Variants in MAML2 observed in about 807,000 individuals in gnomAD.
The protein encoded by MAML2 is mastermind-like protein 2.
In MAML2, 22 loss-of-function variants were observed where a neutral mutation model predicts 96.1. The ratio of observed to expected loss-of-function variants is 0.23; its 90% CI spans 0.16 to 0.33. The LOEUF (loss-of-function observed/expected upper bound fraction) is 0.33. Among genes scored for constraint, MAML2 ranks in the 10% least tolerant of loss-of-function variants. The probability of loss-of-function intolerance (pLI) is 1.00; values close to 1 mark genes in which losing one functional copy is unlikely to be tolerated. For missense variants in MAML2, 1,367 were observed against 1,392.4 expected (o/e 0.98, Z 0.29); for synonymous variants, 561 against 521.3 (o/e 1.08, Z -1.04).
At chr11:96,328,020 C>T (rs572467062) in intron 1 of MAML2, among the ~76,000 whole-genome samples, 7 of 152,076 alleles carry the variant, frequency 4.6e-5, no homozygotes, top group South Asian at 2.1e-4. Context: ...CACTTCAACC[C>T]GGGGGGTGGA....
intron 2 of MAML2, among the ~76,000 whole-genome samples, chr11:96,049,827 A>T (rs1858962707): frequency 6.6e-6 from 1 of 152,200 alleles, no homozygotes; most frequent in South Asian, 2.1e-4. Context: ...CTAACACCTC[A>T]TTAATGTGGA....
chr11:96,011,047 G>A (rs1011422491), intron 2 of MAML2, among the ~76,000 whole-genome samples: 1 of 152,154 alleles, frequency 6.6e-6, no homozygotes, highest in South Asian at 2.1e-4. Context: ...AGTCAGAATG[G>A]CTCTTATTAA....
intron 1 of MAML2, among the ~76,000 whole-genome samples, chr11:96,295,035 G>T (rs1352916999): frequency 6.6e-6 from 1 of 152,180 alleles, no homozygotes; most frequent in Admixed American, 6.5e-5. Context: ...GGCATATTTA[G>T]GAATTTCTCC....
At chr11:96,257,333 T>A (rs1356209041) in intron 1 of MAML2, among the ~76,000 whole-genome samples, 5 of 152,216 alleles carry the variant, frequency 3.3e-5, no homozygotes. Context: ...TTCTTTCTCC[T>A]CCATTGGACT....
intron 1 of MAML2, among the ~76,000 whole-genome samples, chr11:96,119,617 G>A (rs1301633706): frequency 6.6e-6 from 1 of 152,142 alleles, no homozygotes; most frequent in Non-Finnish European, 1.5e-5. Context: ...ACAGTTTAAC[G>A]ACTTGCTGAA....
chr11:96,168,945 C>G (rs564094898), intron 1 of MAML2, among the ~76,000 whole-genome samples: 1 of 152,172 alleles, frequency 6.6e-6, no homozygotes, highest in East Asian at 1.9e-4. Flanking sequence ...CCTAGTGGTG[C>G]TATTCAGATT....
rs896086381 is a variant in MAML2, at chr11:96,056,416, G to A, written c.2139+35476C>T. Among the ~76,000 whole-genome samples, 87 of 148,774 alleles carry A rather than the reference G, an allele frequency of 5.8e-4. 2 individuals carry two copies. The highest frequency in any genetic ancestry group is 9.1e-4 in the Non-Finnish European group (61 of 67,368). On this transcript the variant is annotated intron_variant, in intron 2 of 4. Transcript: ENST00000524717. ...AAAAAAAAAAAAAAAAGCCCAGGTT[G>A]GGAATCCAAAGTCTTTGACATGAAT... is the stretch of plus-strand genomic sequence containing the variant.
At chr11:96,331,177 G>A (rs566584458) in intron 1 of MAML2, among the ~76,000 whole-genome samples, 29 of 152,248 alleles carry the variant, frequency 1.9e-4, no homozygotes, top group South Asian at 4.1e-4. Context: ...AGGCTGGCGG[G>A]GAGGATCACT....
chr11:96,197,311 A>G (rs1170837372), intron 1 of MAML2, among the ~76,000 whole-genome samples: 4 of 152,208 alleles, frequency 2.6e-5, no homozygotes, highest in African/African-American at 9.6e-5. Flanking sequence ...TGAGTAATAG[A>G]AAATAAATCT....
intron 1 of MAML2, among the ~76,000 whole-genome samples, chr11:96,101,035 T>A (rs779012219): frequency 1.4e-4 from 22 of 152,116 alleles, no homozygotes; most frequent in Non-Finnish European, 2.8e-4. Context: ...TGTGAGCCAT[T>A]GTGTCTAGCC....
At chr11:95,988,076 G>A (rs1857856189) in intron 3 of MAML2, among the ~76,000 whole-genome samples, 1 of 151,420 alleles carries the variant, frequency 6.6e-6, no homozygotes, top group Non-Finnish European at 1.5e-5. Flanking sequence ...TCTTTCTTAT[G>A]TAATTAGGTG....
intron 1 of MAML2, among the ~76,000 whole-genome samples, chr11:96,153,041 G>A (rs563139612): frequency 3.9e-5 from 6 of 152,230 alleles, no homozygotes; most frequent in Non-Finnish European, 7.4e-5. Context: ...CCCAGCAGGA[G>A]CCAGCCAGAA....
intron 1 of MAML2, among the ~76,000 whole-genome samples, chr11:96,249,295 G>C (rs965783816): frequency 1.2e-4 from 19 of 152,128 alleles, no homozygotes; most frequent in African/African-American, 4.6e-4. Flanking sequence ...TTAGCACTCT[G>C]TTCAAACGCC....
intron 1 of MAML2, among the ~76,000 whole-genome samples, chr11:96,146,873 C>A (rs1198368086): frequency 6.6e-6 from 1 of 152,154 alleles, no homozygotes; most frequent in Non-Finnish European, 1.5e-5. Context: ...CAGTTGACAG[C>A]CTTTTTTAAT....
chr11:96,305,472 CTT>C (rs1279480299), intron 1 of MAML2, among the ~76,000 whole-genome samples: 1 of 152,084 alleles, frequency 6.6e-6, no homozygotes, highest in African/African-American at 2.4e-5. Flanking sequence ...TCTGGGAACT[CTT>C]TGTATTTTCC....
intron 1 of MAML2, among the ~76,000 whole-genome samples, chr11:96,212,735 A>G (rs1280337999): frequency 6.6e-6 from 1 of 152,202 alleles, no homozygotes; most frequent in African/African-American, 2.4e-5. Context: ...TAACTCATAA[A>G]TGAGTCATCA....
At chr11:96,032,691 C>T (rs1018355280) in intron 2 of MAML2, among the ~76,000 whole-genome samples, 2 of 151,162 alleles carry the variant, frequency 1.3e-5, no homozygotes, top group African/African-American at 4.9e-5. Context: ...TAGATTCATA[C>T]AATGTGATGC....
chr11:96,275,033 C>T (rs1239805921), intron 1 of MAML2, among the ~76,000 whole-genome samples: 1 of 151,902 alleles, frequency 6.6e-6, no homozygotes, highest in Non-Finnish European at 1.5e-5. Context: ...TGTATTGTAT[C>T]TCAATTTTAA....
chr11:95,991,671 G>A lies in MAML2; in HGVS notation c.2192C>T (p.Pro731Leu). 6.2e-7 allele frequency: 1 copy of A among 1,613,750 alleles called. No individual in the cohort carries two copies. Among genetic ancestry groups the A allele is most frequent in the Non-Finnish European group, 8.5e-7 (1 of 1,179,748 alleles). Reference protein sequence around the residue: ...QNTGPSPSPNPCSNPNTGSGY... With the variant: ...QNTGPSPSPNLCSNPNTGSGY... ...ACTTCCAGTGTTTGGATTTGAGCAGGGGTTAGGACTTGGACTGGGGCCTGT... is the reference window on the plus strand; with the variant it reads ...ACTTCCAGTGTTTGGATTTGAGCAGAGGTTAGGACTTGGACTGGGGCCTGT... The change falls in exon 3 of 5, where the codon CCC becomes CTC. Residue 731 changes from proline (P) to leucine (L), a missense_variant. Coordinates refer to ENST00000524717, the MANE Select transcript of MAML2 (RefSeq NM_032427.4).
Sources: allele counts gnomAD v4.1 joint callset (sites outside exome capture counted in the v4.1 genomes callset), GRCh38; gene constraint gnomAD v4.1.1; transcripts MANE v1.5; gene names NCBI Gene and HGNC (gene_info 2026-07-23, HGNC 2026-07-21).